AREG: variants seen among roughly 807,000 people sequenced by gnomAD.
The protein encoded by AREG is amphiregulin B.
In AREG, 16 loss-of-function variants were observed where a neutral mutation model predicts 28.0. The observed-to-expected ratio is 0.57, with a 90% CI of 0.39 to 0.87. AREG has a LOEUF of 0.87. Ranked by LOEUF, AREG falls within the 40% of genes least tolerant of loss-of-function variation. The probability of loss-of-function intolerance (pLI) is 0.00; values close to 1 mark genes in which losing one functional copy is unlikely to be tolerated. For synonymous variants in AREG, 113 were observed against 113.5 expected, an observed-to-expected ratio of 1.00 and a Z score of 0.02; for missense variants, 287 against 309.1, an observed-to-expected ratio of 0.93 and a Z score of 0.53.
chr4:74,452,698 T>A, intron 5 of AREG, 43 bp downstream of exon 5: 1 of 1,552,498 alleles, frequency 6.4e-7, no homozygotes, highest in Non-Finnish European at 8.7e-7. Context: ...TCCTATAATT[T>A]TGAAAAATTT....
chr4:74,450,692 G>T (rs1452150393), intron 4 of AREG, among the ~76,000 whole-genome samples, 160 bp downstream of exon 4: 1 of 152,130 alleles, frequency 6.6e-6, no homozygotes. Context: ...ATCACAGAAA[G>T]TGGTCAATGT....
At position 74,449,266 on chromosome 4, in the gene AREG, A is replaced by T. The variant is rs778420891; in HGVS notation, c.512+18A>T. On this transcript the variant is annotated intron_variant, in intron 3 of 5. Transcript: ENST00000395748. ...ACATGCAAGTAAGTTTTCCTAAAGCATATAGAATTTTGTATTTCTAGCACC... is the reference window on the plus strand; with the variant it reads ...ACATGCAAGTAAGTTTTCCTAAAGCTTATAGAATTTTGTATTTCTAGCACC... The T allele has an allele frequency of 1.2e-6, 2 of 1,613,622 alleles. No homozygotes were observed. Among genetic ancestry groups the T allele is most frequent in the Middle Eastern group, 1.7e-4 (1 of 6,056 alleles).
chr4:74,445,385 T>C lies in AREG; in HGVS notation c.40T>C (p.Ser14Pro). 1 of 1,610,678 alleles carries C rather than the reference T, an allele frequency of 6.2e-7. No individual in the cohort carries two copies. Reference sequence around the variant, plus strand: ...GCTACCGCCGGCGCCGGTGGTGCTGTCGCTCTTGATACTCGGCTCAGGTGA... The same window carrying C: ...GCTACCGCCGGCGCCGGTGGTGCTGCCGCTCTTGATACTCGGCTCAGGTGA... Reference protein sequence around the residue: ...PLLPPAPVVLSLLILGSGHYA... With the variant: ...PLLPPAPVVLPLLILGSGHYA... The change falls in exon 1 of 6, where the codon TCG (serine) becomes CCG (proline). Residue 14 changes from serine to proline, a missense_variant. Ser to Pro is a moderately conservative substitution (Grantham distance 74). Coordinates refer to ENST00000395748, the MANE Select transcript of AREG (RefSeq NM_001657.4).
chr4:74,453,308 T>C (rs1719410447), intron 5 of AREG, among the ~76,000 whole-genome samples: 1 of 152,174 alleles, frequency 6.6e-6, no homozygotes. Flanking sequence ...AATGCTCTTT[T>C]TTTACAAAAG....
At position 74,454,622 on chromosome 4, in the gene AREG, C is replaced by T. The variant is rs78872119; in HGVS notation, c.*19-137C>T. On this transcript the variant is annotated intron_variant, in intron 5 of 5. Coordinates refer to ENST00000395748, the MANE Select transcript of AREG (RefSeq NM_001657.4). ...CTGAAAAATCTTAGCATTTCTCAAA[C>T]GATGTACTAGAAAACAACTGACAGA... The T allele has an allele frequency of 1.2e-3, 638 of 514,684 alleles. 7 individuals are homozygous for T. The highest frequency in any genetic ancestry group is 8.1e-3 in the African/African-American group (416 of 51,116). 31.9% of individuals were successfully genotyped at this position (514,684 alleles called of 1,614,324 possible). A position where few individuals can be genotyped will look rare whatever the true frequency, so the allele number is the denominator to read the frequency against.
At chr4:74,452,871 G>A (rs1719403123) in intron 5 of AREG, among the ~76,000 whole-genome samples, 1 of 151,766 alleles carries the variant, frequency 6.6e-6, no homozygotes, top group East Asian at 1.9e-4. Flanking sequence ...AAATATAAGA[G>A]ACACTGGTCC....
Position 74,454,771 on chromosome 4 carries a change from G to A in AREG, c.*31G>A. 1.4e-6 allele frequency: 1 copy of A among 697,348 alleles called. No homozygotes were observed. Among genetic ancestry groups the A allele is most frequent in the Non-Finnish European group, 2.6e-6 (1 of 382,160 alleles). 43.2% of individuals were successfully genotyped at this position (697,348 alleles called of 1,614,324 possible). ...TATTTTCTCACAGGATATCACATTG[G>A]AGTCACTGCCAAGTCATAGCCATAA... On this transcript the variant is annotated 3_prime_UTR_variant, in exon 6 of 6. Coordinates refer to ENST00000395748, the MANE Select transcript of AREG (RefSeq NM_001657.4).
At chr4:74,449,625 C>T (rs1184909146) in intron 3 of AREG, among the ~76,000 whole-genome samples, 3 of 152,110 alleles carry the variant, frequency 2.0e-5, no homozygotes, top group African/African-American at 7.2e-5. Flanking sequence ...ATGGTGACAG[C>T]CTGTAGTCCC....
At chr4:74,453,022 A>C (rs1433628810) in intron 5 of AREG, among the ~76,000 whole-genome samples, 1 of 152,202 alleles carries the variant, frequency 6.6e-6, no homozygotes, top group East Asian at 1.9e-4. Flanking sequence ...AATCCAGTAG[A>C]ATTTATTTAG....
At position 74,445,271 on chromosome 4, in the gene AREG, C is replaced by A; in HGVS notation, c.-75C>A. On this transcript the variant is annotated 5_prime_UTR_variant, in exon 1 of 6. Transcript: ENST00000395748. ...TCTCCACTCGCTCTTCCAACACCCG[C>A]TCGTTTTGGCGGCAGCTCGTGTCCC... The A allele has an allele frequency of 6.4e-7, 1 of 1,570,730 alleles. No individual in the cohort carries two copies. The highest frequency in any genetic ancestry group is 1.9e-5 in the Admixed American group (1 of 53,392).
At chr4:74,454,097 A>G (rs1560615518) in intron 5 of AREG, among the ~76,000 whole-genome samples, 3 of 152,138 alleles carry the variant, frequency 2.0e-5, no homozygotes, top group Admixed American at 1.3e-4. Flanking sequence ...TTTTTAGCCT[A>G]TTGCAGAATT....
chr4:74,447,028 G>T (rs1050729433), intron 2 of AREG, among the ~76,000 whole-genome samples: 1 of 152,156 alleles, frequency 6.6e-6, no homozygotes, highest in African/African-American at 2.4e-5. Flanking sequence ...AGTAGGAATT[G>T]TTATCCTCAT....
rs903938746 is a variant in AREG at position 74,450,278 on chromosome 4, T to C, written c.513-102T>C. ...AAAATACGAGTATATGGCATAACTTTTTTAATGTTGGAATTAAATGGTTCT... is the reference window on the plus strand; with the variant it reads ...AAAATACGAGTATATGGCATAACTTCTTTAATGTTGGAATTAAATGGTTCT... On this transcript the variant is annotated intron_variant, in intron 3 of 5. Coordinates refer to ENST00000395748, the MANE Select transcript of AREG (RefSeq NM_001657.4). 1.9e-6 allele frequency: 3 copies of C among 1,589,704 alleles called. No homozygotes were observed. In the African/African-American group the frequency reaches 4.0e-5, roughly 21 times the overall value.
intron 2 of AREG, among the ~76,000 whole-genome samples, chr4:74,447,245 A>G (rs1275623518): frequency 1.3e-5 from 2 of 152,272 alleles, no homozygotes; most frequent in East Asian, 3.9e-4. Flanking sequence ...TAGCTTTTGT[A>G]TCCCCTTCCC....
At chr4:74,447,826 C>T (rs892396540) in intron 2 of AREG, among the ~76,000 whole-genome samples, 3 of 152,120 alleles carry the variant, frequency 2.0e-5, no homozygotes, top group Admixed American at 1.3e-4. Flanking sequence ...CCACTTAATT[C>T]CCTTCCTTCT....
intron 4 of AREG, among the ~76,000 whole-genome samples, chr4:74,452,205 A>G (rs1354833510): frequency 1.3e-5 from 2 of 152,308 alleles, no homozygotes; most frequent in Admixed American, 6.5e-5. Flanking sequence ...GAGTTCTCCT[A>G]TGGCAAAACT....
In AREG at chr4:74,454,933, A is replaced by C. The variant is rs758026110; in HGVS notation, c.*193A>C. On this transcript the variant is annotated 3_prime_UTR_variant, in exon 6 of 6. Transcript: ENST00000395748. ...CACGAAGGTAAAAAGTATTTTTTCA[A>C]GTTGTAAATAATTTATTTAATATTT... 4,206 of 652,016 alleles carry C rather than the reference A, an allele frequency of 6.5e-3. 24 individuals carry two copies. Among genetic ancestry groups the C allele is most frequent in the Non-Finnish European group, 9.1e-3 (3,333 of 364,850 alleles). The allele number at this position is 652,016 out of a possible 1,614,324, so 40.4% of individuals were successfully genotyped here. A position where few individuals can be genotyped will look rare whatever the true frequency, so the allele number is the denominator to read the frequency against.
intron 2 of AREG, among the ~76,000 whole-genome samples, chr4:74,447,102 A>G (rs1279648075): frequency 6.6e-6 from 1 of 152,240 alleles, no homozygotes; most frequent in Non-Finnish European, 1.5e-5. Context: ...TGACAAGCAG[A>G]TGAGCTAGAA....
chr4:74,452,152 G>A (rs1400680871), intron 4 of AREG, among the ~76,000 whole-genome samples: 1 of 152,098 alleles, frequency 6.6e-6, no homozygotes, highest in African/African-American at 2.4e-5. Flanking sequence ...TGTTTTGTAA[G>A]CCTGTTTCAA....
Sources: gnomAD v4.1 joint callset for allele counts (sites outside exome capture counted in the v4.1 genomes callset) on GRCh38, gnomAD v4.1.1 for gene constraint, MANE v1.5 for transcripts, NCBI Gene and HGNC (gene_info 2026-07-23, HGNC 2026-07-21) for gene names.